RBFOX1: variants seen among roughly 807,000 people sequenced by gnomAD.
The protein encoded by RBFOX1 is RNA binding protein fox-1 homolog 1.
A neutral mutation model predicts 57.7 loss-of-function variants in RBFOX1; 8 were observed. That is an observed-to-expected ratio of 0.14 (90% CI 0.08 to 0.25). RBFOX1 has a LOEUF of 0.25. RBFOX1 is among the 10% of genes least tolerant of loss of function. The pLI is 1.00. For missense variants in RBFOX1, 611 were observed against 548.5 expected (o/e 1.11, Z -1.14); for synonymous variants, 326 against 222.4 (o/e 1.47, Z -4.15).
intron 2 of RBFOX1, among the ~76,000 whole-genome samples, chr16:5,489,333 A>C (rs2042749357): frequency 6.6e-6 from 1 of 152,218 alleles, no homozygotes; most frequent in South Asian, 2.1e-4. Flanking sequence ...TAAAGGGCAA[A>C]GAATTAGGCA....
At chr16:7,000,786 A>C (rs896150850) in intron 3 of RBFOX1, among the ~76,000 whole-genome samples, 1 of 151,288 alleles carries the variant, frequency 6.6e-6, no homozygotes, top group East Asian at 1.9e-4. Flanking sequence ...CTATATTTTT[A>C]GTAGAGACGG....
At chr16:6,310,583 A>G (rs1475642781) in intron 1 of RBFOX1, among the ~76,000 whole-genome samples, 1 of 152,206 alleles carries the variant, frequency 6.6e-6, no homozygotes. Context: ...CTGAAGCTCC[A>G]AGCGGTCAAG....
intron 2 of RBFOX1, among the ~76,000 whole-genome samples, chr16:6,497,567 A>C: frequency 6.6e-6 from 1 of 150,878 alleles, no homozygotes; most frequent in Non-Finnish European, 1.5e-5. Context: ...TTTTTAAAAA[A>C]AAAAAAAAAA....
rs577383116 is a variant in RBFOX1 at position 5,781,457 on chromosome 16, A to T, written c.319-85846A>T. Among the ~76,000 whole-genome samples, 3 of 152,348 alleles carry T rather than the reference A, an allele frequency of 2.0e-5. No homozygotes were observed. The South Asian group carries it at 6.2e-4, about 32-fold the overall frequency. ...GCCAATAAATGCCAGTAGTAGGCCC[A>T]GCTCAGTCACTGTGACAACCTCAAA... On this transcript the variant is annotated intron_variant, in intron 3 of 19. Coordinates refer to the RBFOX1 transcript ENST00000641259.
intron 3 of RBFOX1, among the ~76,000 whole-genome samples, chr16:6,685,731 T>G (rs1192469314): frequency 5.9e-5 from 9 of 152,268 alleles, no homozygotes; most frequent in Admixed American, 5.2e-4. Context: ...AGAATACCAA[T>G]TTTAACAATT....
intron 3 of RBFOX1, among the ~76,000 whole-genome samples, chr16:6,728,792 A>G (rs938978930): frequency 6.6e-6 from 1 of 152,174 alleles, no homozygotes; most frequent in African/African-American, 2.4e-5. Context: ...ATTGTAGGTC[A>G]TTATGTGAAA....
At chr16:7,044,757 T>A (rs577747332) in intron 3 of RBFOX1, among the ~76,000 whole-genome samples, 39 of 152,286 alleles carry the variant, frequency 2.6e-4, no homozygotes, top group African/African-American at 9.4e-4. Flanking sequence ...AAAGTGTACA[T>A]TTAAGATATT....
intron 1 of RBFOX1, among the ~76,000 whole-genome samples, chr16:6,250,131 C>T (rs1345705004): frequency 6.6e-6 from 1 of 152,124 alleles, no homozygotes; most frequent in Non-Finnish European, 1.5e-5. Flanking sequence ...TTCTCTTCAC[C>T]CTGCTTACCT....
intron 4 of RBFOX1, among the ~76,000 whole-genome samples, chr16:7,497,085 G>C (rs1055593679): frequency 6.6e-6 from 1 of 152,100 alleles, no homozygotes; most frequent in African/African-American, 2.4e-5. Flanking sequence ...AGTGGCCAGC[G>C]TGGTCTTTCT....
At chr16:5,673,383 C>G (rs1380967678) in intron 3 of RBFOX1, among the ~76,000 whole-genome samples, 1 of 152,128 alleles carries the variant, frequency 6.6e-6, no homozygotes, top group Non-Finnish European at 1.5e-5. Context: ...GTGCATGAAG[C>G]TATCTTCTCT....
At chr16:7,448,617 G>A (rs190695723) in intron 4 of RBFOX1, among the ~76,000 whole-genome samples, 3 of 152,252 alleles carry the variant, frequency 2.0e-5, no homozygotes, top group Non-Finnish European at 2.9e-5. Flanking sequence ...AATTTAAGAC[G>A]AGATTTGGCT....
intron 4 of RBFOX1, among the ~76,000 whole-genome samples, chr16:7,114,026 G>A (rs1018347092): frequency 1.1e-4 from 16 of 152,150 alleles, no homozygotes; most frequent in African/African-American, 3.9e-4. Context: ...TAATGAATGT[G>A]CAATGAATTT....
intron 3 of RBFOX1, among the ~76,000 whole-genome samples, chr16:6,712,942 A>ATGGGATC (rs2064000635): frequency 8.5e-6 from 1 of 117,644 alleles, no homozygotes; most frequent in African/African-American, 3.1e-5. Context: ...AATAACTCTC[A>ATGGGATC]TGGGATCTGA....
chr16:6,933,031 A>G (rs1181944380), intron 3 of RBFOX1, among the ~76,000 whole-genome samples: 1 of 152,250 alleles, frequency 6.6e-6, no homozygotes, highest in East Asian at 1.9e-4. Flanking sequence ...CACTTAGCAT[A>G]ATATCCTTAA....
chr16:6,986,702 T>C (rs560332434), intron 3 of RBFOX1, among the ~76,000 whole-genome samples: 2 of 152,294 alleles, frequency 1.3e-5, no homozygotes, highest in Non-Finnish European at 2.9e-5. Context: ...CTTCTCTCTG[T>C]CTTTTTGCAA....
At chr16:7,699,086 A>G (rs764292290) in intron 14 of RBFOX1, among the ~76,000 whole-genome samples, 5 of 152,282 alleles carry the variant, frequency 3.3e-5, no homozygotes, top group East Asian at 3.9e-4. Context: ...ATTCTGATTC[A>G]TAAGTCCGGA....
At chr16:7,000,955 C>G (rs759381605) in intron 3 of RBFOX1, among the ~76,000 whole-genome samples, 21 of 152,222 alleles carry the variant, frequency 1.4e-4, no homozygotes, top group African/African-American at 4.3e-4. Flanking sequence ...TAATGCTTTT[C>G]TTTATTGAAG....
intron 4 of RBFOX1, among the ~76,000 whole-genome samples, chr16:7,173,489 A>T (rs1170816280): frequency 3.3e-5 from 5 of 149,836 alleles, no homozygotes; most frequent in African/African-American, 9.8e-5. Context: ...GTTCCATTTG[A>T]CACTTTTTTT....
At chr16:7,321,480 GAA>G (rs2143018910) in intron 4 of RBFOX1, among the ~76,000 whole-genome samples, 1 of 152,218 alleles carries the variant, frequency 6.6e-6, no homozygotes, top group East Asian at 1.9e-4. Flanking sequence ...AAACAAACAT[GAA>G]ATACGTGGAA....
Sources: gnomAD v4.1 joint callset for allele counts (sites outside exome capture counted in the v4.1 genomes callset) on GRCh38, gnomAD v4.1.1 for gene constraint, MANE v1.5 for transcripts, NCBI Gene and HGNC (gene_info 2026-07-23, HGNC 2026-07-21) for gene names.